The following AFG2A variants were observed in gnomAD, a reference collection of about 807,000 sequenced individuals.
AFG2A encodes AAA ATPase AFG2A.
chr4:123,043,784 A>T, the AFG2A span, among the ~76,000 whole-genome samples: 54 of 152,344 alleles, frequency 3.5e-4, no homozygotes, highest in African/African-American at 1.1e-3. Flanking sequence ...CCCTTGTTTG[A>T]TGAGACAAAT....
the AFG2A span, among the ~76,000 whole-genome samples, chr4:123,232,425 A>G: frequency 1.3e-5 from 2 of 152,036 alleles, no homozygotes; most frequent in Non-Finnish European, 2.9e-5. Flanking sequence ...GGTGTAGTTC[A>G]TCTTTTCCAA....
chr4:123,193,979 A>G, the AFG2A span, among the ~76,000 whole-genome samples: 29 of 152,328 alleles, frequency 1.9e-4, no homozygotes, highest in South Asian at 5.6e-3. Flanking sequence ...ACATCCCCTG[A>G]GTATTGATTG....
At chr4:122,943,457 G>C in the AFG2A span, among the ~76,000 whole-genome samples, 4 of 151,670 alleles carry the variant, frequency 2.6e-5, no homozygotes, top group Admixed American at 1.3e-4. Flanking sequence ...AGGATTGCAA[G>C]CCCTGCCTTT....
At chr4:123,126,478 T>C in the AFG2A span, among the ~76,000 whole-genome samples, 20 of 152,178 alleles carry the variant, frequency 1.3e-4, no homozygotes, top group Admixed American at 9.8e-4. Flanking sequence ...GTCAGAGAGA[T>C]TGATACAGTT....
chr4:123,181,692 C>T, the AFG2A span, among the ~76,000 whole-genome samples: 1 of 152,124 alleles, frequency 6.6e-6, no homozygotes, highest in Non-Finnish European at 1.5e-5. Flanking sequence ...ATAGGTTTGG[C>T]CCACTGGCTG....
At chr4:123,000,577 T>A in the AFG2A span, among the ~76,000 whole-genome samples, 1,004 of 144,260 alleles carry the variant, frequency 7.0e-3, 20 homozygotes, top group African/African-American at 0.024. Context: ...GGTTTTTGTC[T>A]TTGGTTCTGT....
chr4:123,038,864 C>G, the AFG2A span, among the ~76,000 whole-genome samples: 1 of 152,048 alleles, frequency 6.6e-6, no homozygotes, highest in Non-Finnish European at 1.5e-5. Context: ...TTCTTATCCA[C>G]AGGTCCTGTA....
the AFG2A span, chr4:123,090,445 T>A: frequency 1.0e-6 from 1 of 964,996 alleles, no homozygotes. Flanking sequence ...GTAAATAAAG[T>A]CTCAAATGCA....
chr4:123,148,901 T>C, the AFG2A span, among the ~76,000 whole-genome samples: 1 of 152,026 alleles, frequency 6.6e-6, no homozygotes, highest in East Asian at 1.9e-4. Flanking sequence ...CCCGAGTAGC[T>C]GGGATTACAG....
chr4:123,173,210 T>C, the AFG2A span, among the ~76,000 whole-genome samples: 10 of 152,208 alleles, frequency 6.6e-5, no homozygotes, highest in Non-Finnish European at 1.3e-4. Context: ...GGATACTATC[T>C]GGCTAATTTT....
chr4:123,076,691 A>AT, the AFG2A span, among the ~76,000 whole-genome samples: 278 of 151,670 alleles, frequency 1.8e-3, 1 homozygote, highest in Non-Finnish European at 3.1e-3. Flanking sequence ...TGGGTTAGGG[A>AT]TTTTTTTCCC....
chr4:122,931,456 T>G, the AFG2A span, among the ~76,000 whole-genome samples: 2 of 152,174 alleles, frequency 1.3e-5, no homozygotes, highest in Non-Finnish European at 2.9e-5. Context: ...CGTATGTGTG[T>G]GTATATACAT....
chr4:123,075,024 A>G, the AFG2A span, among the ~76,000 whole-genome samples: 1 of 152,022 alleles, frequency 6.6e-6, no homozygotes, highest in Non-Finnish European at 1.5e-5. Flanking sequence ...GTTCACTGCA[A>G]CCTCTGCCTC....
At chr4:123,052,689 T>C in the AFG2A span, among the ~76,000 whole-genome samples, 1 of 152,220 alleles carries the variant, frequency 6.6e-6, no homozygotes, top group Non-Finnish European at 1.5e-5. Context: ...ATTAGGGTTC[T>C]CCAGAGGGAC....
At chr4:123,093,951 C>G in the AFG2A span, among the ~76,000 whole-genome samples, 1 of 152,160 alleles carries the variant, frequency 6.6e-6, no homozygotes, top group African/African-American at 2.4e-5. Flanking sequence ...CATTATTTAT[C>G]TGTGTGTTTG....
the AFG2A span, among the ~76,000 whole-genome samples, chr4:123,127,272 A>G: frequency 9.2e-5 from 14 of 152,234 alleles, no homozygotes; most frequent in Non-Finnish European, 1.9e-4. Context: ...CAGGAAGTCA[A>G]TAATGAAACC....
the AFG2A span, among the ~76,000 whole-genome samples, chr4:123,247,281 A>G: frequency 6.6e-6 from 1 of 151,366 alleles, no homozygotes; most frequent in African/African-American, 2.4e-5. Context: ...TATATATATC[A>G]TTACTACCCA....
chr4:123,267,620 C>T, the AFG2A span, among the ~76,000 whole-genome samples: 1 of 151,924 alleles, frequency 6.6e-6, no homozygotes, highest in Non-Finnish European at 1.5e-5. Context: ...CCTTAAGGAG[C>T]GGTTTTATGA....
At chr4:123,016,217 C>T in the AFG2A span, among the ~76,000 whole-genome samples, 1,184 of 137,662 alleles carry the variant, frequency 8.6e-3, 15 homozygotes, top group African/African-American at 0.03. Context: ...GGGGGCTGAT[C>T]CCCCCACCTC....
Sources: allele counts gnomAD v4.1 joint callset (sites outside exome capture counted in the v4.1 genomes callset), GRCh38; gene constraint gnomAD v4.1.1; transcripts MANE v1.5; gene names NCBI Gene and HGNC (gene_info 2026-07-23, HGNC 2026-07-21).